Variants in FCSK observed in about 807,000 individuals in gnomAD.
The protein encoded by FCSK is fucose kinase, also known as L-fucose kinase.
A neutral mutation model predicts 122.5 loss-of-function variants in FCSK; 123 were observed. The ratio of observed to expected loss-of-function variants is 1.00; its 90% CI spans 0.87 to 1.17. The LOEUF is 1.17. Among genes scored for constraint, FCSK ranks in the 50% most tolerant of loss-of-function variants. The probability of loss-of-function intolerance (pLI) is 0.00; values close to 1 mark genes in which losing one functional copy is unlikely to be tolerated. For synonymous variants in FCSK, 620 were observed against 625.5 expected, an observed-to-expected ratio of 0.99 and a Z score of 0.13; for missense variants, 1,366 against 1,450.4, an observed-to-expected ratio of 0.94 and a Z score of 0.95.
At chr16:70,476,956 A>C (rs898921276) in intron 20 of FCSK, among the ~76,000 whole-genome samples, 1 of 152,200 alleles carries the variant, frequency 6.6e-6, no homozygotes, top group Non-Finnish European at 1.5e-5. Context: ...GACATTAATC[A>C]ATAACTACTC....
In FCSK at chr16:70,475,497, A is replaced by G; in HGVS notation, c.2521+4A>G. 6.2e-7 allele frequency: 1 copy of G among 1,601,108 alleles called. No individual in the cohort carries two copies. Among genetic ancestry groups the G allele is most frequent in the South Asian group, 1.1e-5 (1 of 90,950 alleles). Reference sequence around the variant, plus strand: ...CTGCCCCACGGCTCTGGCCTGGGTGAGCGGGCCCTGCCTCCTGCTACCCAC... The same window carrying G: ...CTGCCCCACGGCTCTGGCCTGGGTGGGCGGGCCCTGCCTCCTGCTACCCAC... On this transcript the variant is annotated splice_donor_region_variant and intron_variant, in intron 19 of 23. Coordinates refer to ENST00000288078, the MANE Select transcript of FCSK (RefSeq NM_145059.3).
In FCSK at chr16:70,458,490, G is replaced by A. The variant is rs554892749; in HGVS notation, c.-23+3860G>A. Among the ~76,000 whole-genome samples, 9 of 143,670 alleles carry A rather than the reference G, an allele frequency of 6.3e-5. No individual in the cohort carries two copies. In the South Asian group the frequency reaches 1.3e-3, roughly 21 times the overall value. The allele number at this position is 143,670 out of a possible 152,430, so 94.3% of individuals were successfully genotyped here. A position where few individuals can be genotyped will look rare whatever the true frequency, so the allele number is the denominator to read the frequency against. On this transcript the variant is annotated intron_variant, in intron 1 of 23. Transcript: ENST00000288078. ...ATTTTAATTTTATTTTTTTTGAGAC[G>A]GAATCTCACTCTGTCGCCCAGGCTG...
intron 13 of FCSK, 145 bp from the exon 14 acceptor site, chr16:70,472,396 C>T (rs2048653877): frequency 3.3e-6 from 2 of 608,990 alleles, no homozygotes; most frequent in African/African-American, 1.9e-5. Flanking sequence ...CACCACTGCA[C>T]TCCAGCCTGG....
chr16:70,474,342 G>A lies in FCSK; in HGVS notation c.1988+3G>A. Reference sequence around the variant, plus strand: ...GAGAGGGACAAGTGGCTAAGCAGGTGTGTACTAATGGAGGTCAGATCCCTT... The same window carrying A: ...GAGAGGGACAAGTGGCTAAGCAGGTATGTACTAATGGAGGTCAGATCCCTT... On this transcript the variant is annotated splice_donor_region_variant and intron_variant, in intron 16 of 23. Transcript: ENST00000288078. 2 of 1,612,634 alleles carry A rather than the reference G, an allele frequency of 1.2e-6. No homozygotes were observed. The highest frequency in any genetic ancestry group is 2.2e-5 in the South Asian group (2 of 90,808).
chr16:70,470,206 A>G (rs2048566370), intron 10 of FCSK, 108 bp from the exon 11 acceptor site: 1 of 721,624 alleles, frequency 1.4e-6, no homozygotes, highest in African/African-American at 1.8e-5. Context: ...GCTTCCCCTA[A>G]CAGGCTCATG....
intron 3 of FCSK, 94 bp downstream of exon 3, chr16:70,463,868 G>A (rs2048338812): frequency 1.5e-6 from 2 of 1,341,484 alleles, no homozygotes; most frequent in African/African-American, 2.9e-5. Flanking sequence ...CATCGCCTTG[G>A]CCAACTCAGC....
chr16:70,469,374 AC>A lies in FCSK; in HGVS notation c.955+55del, dbSNP rs1180634269. The A allele has an allele frequency of 3.3e-6, 5 of 1,513,668 alleles. No individual in the cohort carries two copies. The African/African-American group carries it at 5.5e-5, about 17-fold the overall frequency. The allele number at this position is 1,513,668 out of a possible 1,614,324, so 93.8% of individuals were successfully genotyped here. Reference sequence around the variant, plus strand: ...GGGTGGGGAGACCATGGGAGTGAGGACCCCAAGAATGGAGCTGCTCACTGCA... The same window carrying A: ...GGGTGGGGAGACCATGGGAGTGAGGACCCAAGAATGGAGCTGCTCACTGCA... On this transcript the variant is annotated intron_variant, in intron 10 of 23. Coordinates refer to ENST00000288078, the MANE Select transcript of FCSK (RefSeq NM_145059.3).
intron 1 of FCSK, among the ~76,000 whole-genome samples, chr16:70,461,804 A>C (rs1166411168): frequency 6.6e-6 from 1 of 152,188 alleles, no homozygotes; most frequent in Non-Finnish European, 1.5e-5. Flanking sequence ...TCCCTGGGGA[A>C]ATCACACCCA....
rs1328794238 is a variant in FCSK, at chr16:70,475,461, C to T, written c.2489C>T (p.Thr830Ile). 1 of 1,605,926 alleles carries T rather than the reference C, an allele frequency of 6.2e-7. No individual in the cohort carries two copies. Among genetic ancestry groups the T allele is most frequent in the Non-Finnish European group, 8.5e-7 (1 of 1,179,476 alleles). The change falls in exon 19 of 24, where the codon ACC becomes ATC. Residue 830 changes from threonine (T) to isoleucine (I), a missense_variant. Coordinates refer to ENST00000288078, the MANE Select transcript of FCSK (RefSeq NM_145059.3). Reference protein sequence around the residue: ...RTFGGGFELHTWSELPHGSGL... With the variant: ...RTFGGGFELHIWSELPHGSGL... ...TTCGGGGGCGGCTTTGAGCTGCACA[C>T]CTGGTCTGAGCTGCCCCACGGCTCT...
chr16:70,470,905 T>TGGGAGGA, intron 11 of FCSK, 66 bp from the exon 12 acceptor site: 1 of 1,416,098 alleles, frequency 7.1e-7, no homozygotes, highest in Non-Finnish European at 9.6e-7. Context: ...ATGCTTGGCT[T>TGGGAGGA]GGGAGGAGAG....
Position 70,469,194 on chromosome 16 carries a change from G to T in FCSK, c.826G>T (p.Val276Leu). 3 of 1,614,146 alleles carry T rather than the reference G, an allele frequency of 1.9e-6. No homozygotes were observed. The highest frequency in any genetic ancestry group is 2.5e-6 in the Non-Finnish European group (3 of 1,180,018). ...CATTCTCCACTGCATGGCTGAGAAC[G>T]TGACCAGGGAGGACTTCCTGGTGGG... is the stretch of plus-strand genomic sequence containing the variant. The part of the protein sequence containing the change: ...FDILHCMAEN[V>L]TREDFLVGRP... The change falls in exon 10 of 24, where the codon GTG (valine) becomes TTG (leucine). Residue 276 changes from valine to leucine, a missense_variant. Transcript: ENST00000288078.
chr16:70,466,948 A>G lies in FCSK; in HGVS notation c.478A>G (p.Asn160Asp). The G allele has an allele frequency of 6.2e-7, 1 of 1,613,806 alleles. No individual in the cohort carries two copies. The highest frequency in any genetic ancestry group is 1.3e-5 in the African/African-American group (1 of 75,058). ...CGACATGCTGCTGTCTGTTCCTGCA[A>G]ATCCTGGTGAGCCTGAGACTACCTG... ...STDMLLSVPANPGISWDSFRG... is the reference protein window; with the variant it reads ...STDMLLSVPADPGISWDSFRG... Residue 160 changes from asparagine (N) to aspartate (D), a missense_variant, in exon 6 of 24, where the codon AAT (asparagine) becomes GAT (aspartate). Coordinates refer to ENST00000288078, the MANE Select transcript of FCSK (RefSeq NM_145059.3).
At chr16:70,472,958 G>C in intron 14 of FCSK, 25 bp from the exon 15 acceptor site, 1 of 1,584,876 alleles carries the variant, frequency 6.3e-7, no homozygotes, top group Non-Finnish European at 8.6e-7. Flanking sequence ...TTCCCTCCTG[G>C]GAATGTGCCT....
chr16:70,455,188 C>T (rs1186128753), intron 1 of FCSK, among the ~76,000 whole-genome samples: 1 of 152,206 alleles, frequency 6.6e-6, no homozygotes, highest in Non-Finnish European at 1.5e-5. Context: ...ACCCACCTGT[C>T]TTCAAAAGGT....
At chr16:70,460,962 G>A (rs772817107) in intron 1 of FCSK, among the ~76,000 whole-genome samples, 1 of 152,226 alleles carries the variant, frequency 6.6e-6, no homozygotes, top group Non-Finnish European at 1.5e-5. Flanking sequence ...GGAGGGCTTG[G>A]TGGGCATCCT....
At position 70,475,401 on chromosome 16, in the gene FCSK, C is replaced by T. The variant is rs200793397; in HGVS notation, c.2429C>T (p.Ser810Leu). ...TGTGCAGGGATCGTGCATGTCCACTCGGAACTCCAGCTGAGTGAGCAGCTG... is the reference window on the plus strand; with the variant it reads ...TGTGCAGGGATCGTGCATGTCCACTTGGAACTCCAGCTGAGTGAGCAGCTG... ...FICAGIVHVH[S>L]ELQLSEQLLR... The change falls in exon 19 of 24, where the codon TCG becomes TTG. Residue 810 changes from serine (S) to leucine (L), a missense_variant. Ser to Leu is a moderately radical substitution (Grantham distance 145). Coordinates refer to ENST00000288078, the MANE Select transcript of FCSK (RefSeq NM_145059.3). 3.5e-4 allele frequency: 558 copies of T among 1,610,340 alleles called. 3 individuals are homozygous for T. The highest frequency in any genetic ancestry group is 6.2e-4 in the Admixed American group (37 of 60,014).
Position 70,479,766 on chromosome 16 carries a change from TC to T in FCSK, c.*90del, listed in dbSNP as rs888175416. 2 of 987,594 alleles carry T rather than the reference TC, an allele frequency of 2.0e-6. No homozygotes were observed. The highest frequency in any genetic ancestry group is 3.2e-5 in the African/African-American group (2 of 61,768). The allele number at this position is 987,594 out of a possible 1,614,324, so 61.2% of individuals were successfully genotyped here. On this transcript the variant is annotated 3_prime_UTR_variant, in exon 24 of 24. Transcript: ENST00000288078. ...CCCCATGGGAACCTCCACCTCCTAC[TC>T]CCCACCCACCTCTGCGAATCTGCTC... is the stretch of plus-strand genomic sequence containing the variant.
Position 70,470,267 on chromosome 16 carries a change from G to C in FCSK, c.956-47G>C, listed in dbSNP as rs766129075. ...GCTGCTGGGAGGCAGCCTGGCCCCT[G>C]AGTCGCAGCAGGCATGGGGTTGGGT... On this transcript the variant is annotated intron_variant, in intron 10 of 23. Coordinates refer to ENST00000288078, the MANE Select transcript of FCSK (RefSeq NM_145059.3). 2.2e-6 allele frequency: 3 copies of C among 1,337,352 alleles called. No homozygotes were observed. In the East Asian group the frequency reaches 6.9e-5, roughly 31 times the overall value. 82.8% of individuals were successfully genotyped at this position (1,337,352 alleles called of 1,614,324 possible).
At chr16:70,474,107 C>A in intron 15 of FCSK, 22 bp from the exon 16 acceptor site, 1 of 1,547,148 alleles carries the variant, frequency 6.5e-7, no homozygotes, top group South Asian at 1.2e-5. Context: ...TCCCCTGCCA[C>A]CCCCAACTCC....
Sources: allele counts gnomAD v4.1 joint callset (sites outside exome capture counted in the v4.1 genomes callset), GRCh38; gene constraint gnomAD v4.1.1; transcripts MANE v1.5; gene names NCBI Gene and HGNC (gene_info 2026-07-23, HGNC 2026-07-21).